Variants in MASTL observed in about 807,000 individuals in gnomAD.
MASTL encodes the protein microtubule associated serine/threonine kinase like, also known as serine/threonine-protein kinase greatwall.
In MASTL, 54 loss-of-function variants were observed where a neutral mutation model predicts 82.5. The ratio of observed to expected loss-of-function variants is 0.65; its 90% CI spans 0.53 to 0.82. The LOEUF (loss-of-function observed/expected upper bound fraction) is 0.82. MASTL is among the 40% of genes least tolerant of loss of function. The probability of loss-of-function intolerance (pLI) is 0.00; values close to 1 mark genes in which losing one functional copy is unlikely to be tolerated. For synonymous variants in MASTL, 323 were observed against 368.9 expected (o/e 0.88, Z 1.43); for missense variants, 950 against 1,047.8 (o/e 0.91, Z 1.29).
intron 8 of MASTL, among the ~76,000 whole-genome samples, chr10:27,171,302 T>A (rs2057926312): frequency 6.6e-6 from 1 of 152,142 alleles, no homozygotes; most frequent in South Asian, 2.1e-4. Flanking sequence ...TGTGTCGTTT[T>A]ATGTACTTTC....
At chr10:27,154,601 G>A (rs2057294218), upstream of MASTL, 2 of 328,436 alleles carry the variant, frequency 6.1e-6, no homozygotes, top group Non-Finnish European at 1.1e-5. Context: ...ACGGAGTTTC[G>A]TTCTTTCGCC....
chr10:27,156,675 GT>G (rs1362604016), intron 1 of MASTL, among the ~76,000 whole-genome samples: 9 of 146,542 alleles, frequency 6.1e-5, no homozygotes, highest in Admixed American at 2.7e-4. Context: ...GATTTGTGTA[GT>G]TTTTTTTTTA....
chr10:27,180,019 ACTT>A (rs2058222078), intron 9 of MASTL, among the ~76,000 whole-genome samples: 2 of 152,182 alleles, frequency 1.3e-5, no homozygotes, highest in African/African-American at 4.8e-5. Context: ...GGTAATCTAA[ACTT>A]CTTGGAAAAT....
Position 27,173,349 on chromosome 10 carries a change from A to T in MASTL, c.2266+90A>T. On this transcript the variant is annotated intron_variant, in intron 9 of 11. Transcript: ENST00000375940. ...ATTTTAAAAAATTTCTTCAGTACTT[A>T]CGTTACCTAAAGTAAAAGAAAATGA... 5 of 1,430,932 alleles carry T rather than the reference A, an allele frequency of 3.5e-6. No homozygotes were observed. The South Asian group carries it at 5.8e-5, about 17-fold the overall frequency. 88.6% of individuals were successfully genotyped at this position (1,430,932 alleles called of 1,614,324 possible).
At chr10:27,165,918 C>T (rs1264095706) in intron 6 of MASTL, among the ~76,000 whole-genome samples, 2 of 151,534 alleles carry the variant, frequency 1.3e-5, no homozygotes, top group African/African-American at 4.8e-5. Context: ...CAAAAAATGC[C>T]CCAAAATTCA....
intron 6 of MASTL, 74 bp downstream of exon 6, chr10:27,165,613 C>A: frequency 6.6e-7 from 1 of 1,509,020 alleles, no homozygotes; most frequent in Non-Finnish European, 9.2e-7. Flanking sequence ...GAGGCTGAGG[C>A]AGGATTTCTT....
At chr10:27,163,749 G>A (rs2057649914) in intron 4 of MASTL, among the ~76,000 whole-genome samples, 1 of 151,796 alleles carries the variant, frequency 6.6e-6, no homozygotes, top group African/African-American at 2.4e-5. Flanking sequence ...TCCTGCCTCA[G>A]TCTCCTGAGT....
At chr10:27,160,566 C>T (rs2057536379) in intron 3 of MASTL, among the ~76,000 whole-genome samples, 1 of 151,696 alleles carries the variant, frequency 6.6e-6, no homozygotes, top group Admixed American at 6.6e-5. Context: ...GAGTGGACAA[C>T]ATGGTGAAAC....
intron 4 of MASTL, among the ~76,000 whole-genome samples, chr10:27,163,792 G>A (rs1173721264): frequency 6.6e-6 from 1 of 151,578 alleles, no homozygotes. Flanking sequence ...CACCACGCCC[G>A]GCTAATTTTT....
At chr10:27,167,949 T>G (rs542961274) in intron 7 of MASTL, among the ~76,000 whole-genome samples, 88 of 152,374 alleles carry the variant, frequency 5.8e-4, no homozygotes, top group African/African-American at 2.1e-3. Context: ...ATATTGTTTT[T>G]GCCTTTTTAA....
intron 10 of MASTL, among the ~76,000 whole-genome samples, 160 bp from the exon 11 acceptor site, chr10:27,181,320 G>A (rs2058288530): frequency 6.6e-6 from 1 of 152,178 alleles, no homozygotes; most frequent in Admixed American, 6.5e-5. Context: ...GAACCTGGGA[G>A]GTGGAGGTTG....
intron 6 of MASTL, 108 bp from the exon 7 acceptor site, chr10:27,166,970 TCTGATATGTAATTCTTAATACATA>T: frequency 3.0e-6 from 2 of 667,870 alleles, no homozygotes; most frequent in Non-Finnish European, 2.6e-6. Context: ...AAGAAATAGT[TCTGATATGTAATTCTTAATACATA>T]TTAATATGTA....
At chr10:27,164,598 AG>A (rs2057680420) in intron 4 of MASTL, among the ~76,000 whole-genome samples, 1 of 152,066 alleles carries the variant, frequency 6.6e-6, no homozygotes, top group South Asian at 2.1e-4. Flanking sequence ...AGCTAACGTG[AG>A]GGGCCTAAAA....
At chr10:27,178,478 AGT>A (rs2058172907) in intron 9 of MASTL, among the ~76,000 whole-genome samples, 1 of 152,188 alleles carries the variant, frequency 6.6e-6, no homozygotes, top group Admixed American at 6.5e-5. Flanking sequence ...AAAATAAAAA[AGT>A]GTAACAATAT....
rs1258819294 is a variant in MASTL at position 27,186,998 on chromosome 10, G to C, written c.*462G>C. ...GGCAATCATTTAAGGCCATACTTGT[G>C]ACCTCAGAAATGCAGCTGGAAGGCC... On this transcript the variant is annotated 3_prime_UTR_variant, in exon 12 of 12. Coordinates refer to ENST00000375940, the MANE Select transcript of MASTL (RefSeq NM_001172303.3). 4.7e-6 allele frequency: 1 copy of C among 213,658 alleles called. No homozygotes were observed. The highest frequency in any genetic ancestry group is 2.4e-5 in the African/African-American group (1 of 42,258). The allele number at this position is 213,658 out of a possible 1,614,324, so 13.2% of individuals were successfully genotyped here.
At position 27,171,056 on chromosome 10, in the gene MASTL, A is replaced by G. The variant is rs750910694; in HGVS notation, c.2097A>G (p.Gln699=). 1.1e-5 allele frequency: 17 copies of G among 1,613,992 alleles called. No individual in the cohort carries two copies. The South Asian group carries it at 1.8e-4, about 17-fold the overall frequency. The stretch of plus-strand genomic sequence containing the variant: ...ATCCCATGGCTATAACCCCTACTCA[A>G]AAAAGAAGATCCTGTATGCCACATC... ...GSYPMAITPT[Q]KRRSCMPHQQ... Residue 699 remains glutamine (Q), a synonymous_variant, in exon 8 of 12, where the codon CAA becomes CAG. Transcript: ENST00000375940.
At chr10:27,164,707 G>A (rs1401830033) in intron 4 of MASTL, among the ~76,000 whole-genome samples, 6 of 151,552 alleles carry the variant, frequency 4.0e-5, no homozygotes, top group African/African-American at 1.5e-4. Flanking sequence ...GCGCGATCTC[G>A]GCTCACTGCA....
Position 27,170,353 on chromosome 10 carries a change from G to A in MASTL, c.1394G>A (p.Cys465Tyr), listed in dbSNP as rs752628782. The A allele has an allele frequency of 1.2e-5, 20 of 1,613,694 alleles. No homozygotes were observed. Among genetic ancestry groups the A allele is most frequent in the Non-Finnish European group, 1.2e-5 (14 of 1,179,748 alleles). Reference sequence around the variant, plus strand: ...AAAATTATACAGAATAAAAAAACTTGTGTAGAGTATAAGCATAACGAAATG... The same window carrying A: ...AAAATTATACAGAATAAAAAAACTTATGTAGAGTATAAGCATAACGAAATG... ...CKKIIQNKKT[C>Y]VEYKHNEMTN... is the part of the protein sequence containing the mutation. The change falls in exon 8 of 12, where the codon TGT becomes TAT. Residue 465 changes from cysteine to tyrosine, a missense_variant. Coordinates refer to ENST00000375940, the MANE Select transcript of MASTL (RefSeq NM_001172303.3).
chr10:27,160,717 C>G (rs952516857), intron 3 of MASTL, among the ~76,000 whole-genome samples: 3 of 150,652 alleles, frequency 2.0e-5, no homozygotes, highest in African/African-American at 7.3e-5. Context: ...TGCCATTGCA[C>G]TCCAGCCTGG....
Sources: allele counts gnomAD v4.1 joint callset (sites outside exome capture counted in the v4.1 genomes callset), GRCh38; gene constraint gnomAD v4.1.1; transcripts MANE v1.5; gene names NCBI Gene and HGNC (gene_info 2026-07-23, HGNC 2026-07-21).